Variants in OTUD7A observed in about 807,000 individuals in gnomAD.
OTUD7A encodes the protein OTU deubiquitinase 7A.
Under a neutral mutation model 65.7 loss-of-function variants are expected in OTUD7A, and 12 were observed. The observed-to-expected ratio is 0.18, with a 90% CI of 0.12 to 0.30. The LOEUF is 0.30. OTUD7A is among the 10% of genes least tolerant of loss of function. The probability of loss-of-function intolerance (pLI) is 1.00; values close to 1 mark genes in which losing one functional copy is unlikely to be tolerated. For missense variants in OTUD7A, 1,148 were observed against 1,304.8 expected (o/e 0.88, Z 1.85); for synonymous variants, 641 against 586.3 (o/e 1.09, Z -1.35).
intron 1 of OTUD7A, among the ~76,000 whole-genome samples, chr15:31,849,645 A>G (rs908621813): frequency 6.6e-6 from 1 of 152,236 alleles, no homozygotes; most frequent in African/African-American, 2.4e-5. Context: ...AATTTTTGCA[A>G]TCTACCCATC....
At chr15:31,608,968 C>T (rs1202611187) in intron 3 of OTUD7A, among the ~76,000 whole-genome samples, 1 of 152,232 alleles carries the variant, frequency 6.6e-6, no homozygotes, top group Non-Finnish European at 1.5e-5. Flanking sequence ...CCCAAACACA[C>T]ACTCTCACTG....
At chr15:31,508,335 T>C (rs184843237) in intron 8 of OTUD7A, among the ~76,000 whole-genome samples, 6 of 152,188 alleles carry the variant, frequency 3.9e-5, no homozygotes, top group Admixed American at 3.3e-4. Flanking sequence ...AGTTTTTTAT[T>C]TTTTGATAAG....
chr15:31,592,025 T>C lies in OTUD7A; in HGVS notation c.152-21828A>G, dbSNP rs182978947. Among the ~76,000 whole-genome samples the C allele has an allele frequency of 1.9e-3, 286 of 152,266 alleles. 1 individual carries two copies. Among genetic ancestry groups the C allele is most frequent in the African/African-American group, 6.4e-3 (267 of 41,552 alleles). On this transcript the variant is annotated intron_variant, in intron 3 of 12. Transcript: ENST00000307050. ...AAAATAAAAAAGTACAGTAAAAATA[T>C]GGTATAAAAAATAAAAAATGGTACA...
At chr15:31,784,096 G>A (rs184835263) in intron 1 of OTUD7A, among the ~76,000 whole-genome samples, 8 of 152,294 alleles carry the variant, frequency 5.3e-5, no homozygotes, top group East Asian at 1.9e-4. Flanking sequence ...TTTTCCAAGC[G>A]ATCAGTGTAT....
At chr15:31,504,503 G>A (rs1029316141) in intron 8 of OTUD7A, among the ~76,000 whole-genome samples, 6 of 152,308 alleles carry the variant, frequency 3.9e-5, no homozygotes, top group Non-Finnish European at 8.8e-5. Context: ...TGGCAGCCTC[G>A]ATGTCCCCCC....
At chr15:31,794,007 A>G (rs1270711294) in intron 1 of OTUD7A, among the ~76,000 whole-genome samples, 1 of 152,236 alleles carries the variant, frequency 6.6e-6, no homozygotes, top group Non-Finnish European at 1.5e-5. Flanking sequence ...TGTGCTTTGA[A>G]GTTTAATTTT....
chr15:31,663,059 CT>C (rs56747304), intron 1 of OTUD7A, among the ~76,000 whole-genome samples: 2,868 of 146,038 alleles, frequency 0.02, 99 homozygotes, highest in African/African-American at 0.068. Context: ...TGTGTTAACT[CT>C]TTTTTTTTTT....
intron 1 of OTUD7A, among the ~76,000 whole-genome samples, chr15:31,864,687 T>C (rs1356810750): frequency 2.0e-5 from 3 of 151,896 alleles, no homozygotes; most frequent in African/African-American, 4.8e-5. Flanking sequence ...ATATCATGGC[T>C]AATGACTTTT....
At chr15:31,559,608 A>G (rs1888621123) in intron 4 of OTUD7A, among the ~76,000 whole-genome samples, 1 of 152,210 alleles carries the variant, frequency 6.6e-6, no homozygotes, top group African/African-American at 2.4e-5. Context: ...ACATGTGCAC[A>G]CACTACATAG....
In OTUD7A at chr15:31,788,263, A is replaced by G. The variant is rs199634046; in HGVS notation, c.-100+82244T>C. On this transcript the variant is annotated intron_variant, in intron 1 of 12. Coordinates refer to ENST00000307050, the MANE Select transcript of OTUD7A (RefSeq NM_001382637.1). ...GCACTAATGTGCCTGATATGGTGTCATCATGCCAAAGGACTCTTTGGGCTA... is the reference window on the plus strand; with the variant it reads ...GCACTAATGTGCCTGATATGGTGTCGTCATGCCAAAGGACTCTTTGGGCTA... Among the ~76,000 whole-genome samples the G allele has an allele frequency of 1.1e-4, 17 of 152,324 alleles. No individual in the cohort carries two copies. The East Asian group carries it at 1.9e-3, about 17-fold the overall frequency.
At chr15:31,719,776 A>G (rs1893685235) in intron 1 of OTUD7A, among the ~76,000 whole-genome samples, 2 of 152,038 alleles carry the variant, frequency 1.3e-5, no homozygotes, top group African/African-American at 4.8e-5. Flanking sequence ...ACATCTTACA[A>G]TGCTCTGAAT....
chr15:31,578,779 T>C (rs1889283574), intron 3 of OTUD7A, among the ~76,000 whole-genome samples: 1 of 152,202 alleles, frequency 6.6e-6, no homozygotes, highest in Admixed American at 6.5e-5. Flanking sequence ...CTCAAACTCC[T>C]GACCTCAGGT....
At chr15:31,545,327 C>T (rs970644025) in intron 5 of OTUD7A, among the ~76,000 whole-genome samples, 3 of 151,998 alleles carry the variant, frequency 2.0e-5, no homozygotes, top group African/African-American at 7.2e-5. Flanking sequence ...GTATGAAAGG[C>T]AGGAGAATAT....
At chr15:31,795,691 CA>C (rs1895933502) in intron 1 of OTUD7A, among the ~76,000 whole-genome samples, 1 of 152,170 alleles carries the variant, frequency 6.6e-6, no homozygotes, top group Admixed American at 6.5e-5. Context: ...TCCTGAAATG[CA>C]AATTTTGCTC....
At chr15:31,687,166 A>G (rs1362061906) in intron 1 of OTUD7A, among the ~76,000 whole-genome samples, 1 of 151,630 alleles carries the variant, frequency 6.6e-6, no homozygotes, top group Non-Finnish European at 1.5e-5. Context: ...ACTGACTGAA[A>G]GGCAAACCGA....
intron 1 of OTUD7A, among the ~76,000 whole-genome samples, chr15:31,738,617 G>A (rs910915558): frequency 2.0e-5 from 3 of 152,166 alleles, no homozygotes; most frequent in African/African-American, 2.4e-5. Context: ...CACCTATGCT[G>A]CCTCCGCTGA....
chr15:31,831,217 A>G lies in OTUD7A; in HGVS notation c.-100+39290T>C, dbSNP rs73380587. On this transcript the variant is annotated intron_variant, in intron 1 of 12. Transcript: ENST00000307050. ...ATAAAGCTTTAATAAAGAAAACAGAATATCTTCATGCCTTAGCATAGGCAA... is the reference window on the plus strand; with the variant it reads ...ATAAAGCTTTAATAAAGAAAACAGAGTATCTTCATGCCTTAGCATAGGCAA... 8.3e-3 allele frequency among the ~76,000 whole-genome samples: 1,259 copies of G among 152,332 alleles called. 16 individuals are homozygous for G. The highest frequency in any genetic ancestry group is 0.029 in the African/African-American group (1,201 of 41,578).
intron 6 of OTUD7A, among the ~76,000 whole-genome samples, chr15:31,528,893 T>C (rs535094055): frequency 2.6e-5 from 4 of 152,336 alleles, no homozygotes; most frequent in African/African-American, 9.6e-5. Flanking sequence ...AGTGCTGGGA[T>C]AAGAGGACAG....
At position 31,477,500 on chromosome 15, in the gene OTUD7A, G is replaced by A. The variant is rs1439857855; in HGVS notation, c.*5794C>T. On this transcript the variant is annotated 3_prime_UTR_variant, in exon 13 of 13. Transcript: ENST00000307050. ...CGGCAGGGCAGGCATTCACTTGTCT[G>A]TGAACAGAAGCCACCGCTGCTGCCC... 1 of 152,214 alleles carries A rather than the reference G, an allele frequency of 6.6e-6. No individual in the cohort carries two copies. The highest frequency in any genetic ancestry group is 2.4e-5 in the African/African-American group (1 of 41,450). 9.4% of individuals were successfully genotyped at this position (152,214 alleles called of 1,614,324 possible). A position where few individuals can be genotyped will look rare whatever the true frequency, so the allele number is the denominator to read the frequency against.
Sources: allele counts gnomAD v4.1 joint callset (sites outside exome capture counted in the v4.1 genomes callset), GRCh38; gene constraint gnomAD v4.1.1; transcripts MANE v1.5; gene names NCBI Gene and HGNC (gene_info 2026-07-23, HGNC 2026-07-21).